NEBL: variants seen among roughly 807,000 people sequenced by gnomAD.
NEBL encodes LIM and SH3 protein 2.
In NEBL, 122 loss-of-function variants were observed where a neutral mutation model predicts 140.2. That is an observed-to-expected ratio of 0.87 (90% CI 0.75 to 1.01). NEBL has a LOEUF of 1.01. NEBL is among the 50% of genes least tolerant of loss of function. The pLI, the probability that NEBL is intolerant of heterozygous loss-of-function variation, is 0.00. For synonymous variants in NEBL, 436 were observed against 398.9 expected (o/e 1.09, Z -1.11); for missense variants, 1,365 against 1,231.3 (o/e 1.11, Z -1.62).
intron 3 of NEBL, among the ~76,000 whole-genome samples, chr10:20,969,461 C>A (rs1459659295): frequency 8.1e-6 from 1 of 124,182 alleles, no homozygotes; most frequent in African/African-American, 3.6e-5. Context: ...ATTTGGGGTT[C>A]TTTTACTTAA....
intron 2 of NEBL, among the ~76,000 whole-genome samples, chr10:21,087,759 C>G (rs754009844): frequency 1.3e-5 from 2 of 152,170 alleles, no homozygotes; most frequent in Admixed American, 6.5e-5. Context: ...GCAGCCCTGA[C>G]CTCGGTATAA....
At chr10:21,155,713 A>G (rs1423558792) in intron 2 of NEBL, among the ~76,000 whole-genome samples, 1 of 152,256 alleles carries the variant, frequency 6.6e-6, no homozygotes, top group African/African-American at 2.4e-5. Context: ...AAAGACCAGA[A>G]GAGTGAAATA....
At chr10:20,839,881 G>A (rs1380823379) in intron 13 of NEBL, among the ~76,000 whole-genome samples, 1 of 152,006 alleles carries the variant, frequency 6.6e-6, no homozygotes, top group Non-Finnish European at 1.5e-5. Context: ...TTTATTAAGT[G>A]GGTTCATTGC....
intron 1 of NEBL, among the ~76,000 whole-genome samples, chr10:21,281,706 G>A (rs1157830671): frequency 6.6e-6 from 1 of 151,960 alleles, no homozygotes; most frequent in South Asian, 2.1e-4. Flanking sequence ...TACTTTGGGG[G>A]TTCTGTCTGT....
chr10:21,270,948 T>C lies in NEBL; in HGVS notation n.183-19120A>G, dbSNP rs78113685. The stretch of plus-strand genomic sequence containing the variant: ...AGACTGTAAATTGGTACAGCCATTA[T>C]GGAAAACAGTATGTCAGTTCCTCAA... On this transcript the variant is annotated intron_variant and non_coding_transcript_variant, in intron 1 of 8. Transcript: ENST00000675702. Among the ~76,000 whole-genome samples, 963 of 152,342 alleles carry C rather than the reference T, an allele frequency of 6.3e-3. 6 individuals carry two copies. Among genetic ancestry groups the C allele is most frequent in the African/African-American group, 0.022 (914 of 41,580 alleles).
chr10:21,279,408 G>A (rs369741129), intron 1 of NEBL, among the ~76,000 whole-genome samples: 2 of 148,026 alleles, frequency 1.4e-5, no homozygotes, highest in African/African-American at 2.5e-5. Flanking sequence ...CAATCCTCCC[G>A]CCTCAGCCTA....
intron 3 of NEBL, among the ~76,000 whole-genome samples, chr10:21,240,327 A>G (rs986143175): frequency 6.6e-6 from 1 of 152,148 alleles, no homozygotes; most frequent in African/African-American, 2.4e-5. Context: ...AGGAAAATCA[A>G]TCGCTTGGTT....
At chr10:21,122,199 T>C (rs1838611091) in intron 2 of NEBL, among the ~76,000 whole-genome samples, 1 of 152,154 alleles carries the variant, frequency 6.6e-6, no homozygotes, top group South Asian at 2.1e-4. Context: ...CTAGTTTTTG[T>C]ATTTTTAATA....
intron 3 of NEBL, among the ~76,000 whole-genome samples, chr10:21,198,664 C>T (rs1039799649): frequency 3.3e-5 from 5 of 152,106 alleles, no homozygotes; most frequent in African/African-American, 1.2e-4. Context: ...AAGAGCCTCC[C>T]CATTGCTAGG....
At chr10:21,249,428 G>A (rs758803309) in intron 2 of NEBL, among the ~76,000 whole-genome samples, 5 of 151,982 alleles carry the variant, frequency 3.3e-5, no homozygotes, top group Admixed American at 6.6e-5. Context: ...CATGCTGTGA[G>A]TGTTACAACC....
At chr10:20,833,132 T>G (rs1251104416) in intron 14 of NEBL, among the ~76,000 whole-genome samples, 5 of 152,204 alleles carry the variant, frequency 3.3e-5, no homozygotes, top group African/African-American at 9.7e-5. Flanking sequence ...ATCAGTTATT[T>G]GTTGTCTGCA....
chr10:20,988,738 G>A (rs1837348234), intron 3 of NEBL, among the ~76,000 whole-genome samples: 1 of 152,076 alleles, frequency 6.6e-6, no homozygotes. Flanking sequence ...CTCTTACTTG[G>A]GCATGAGCAC....
chr10:20,969,439 C>T (rs1176295972), intron 3 of NEBL, among the ~76,000 whole-genome samples: 3 of 148,708 alleles, frequency 2.0e-5, no homozygotes, highest in African/African-American at 7.5e-5. Flanking sequence ...ATTCACAATC[C>T]AACTTTACCA....
At chr10:21,174,004 G>T (rs950494129) in exon 1 of NEBL, 2 of 1,179,294 alleles carry the variant, frequency 1.7e-6, no homozygotes, top group Non-Finnish European at 2.1e-6. Context: ...GGAGGGCGAC[G>T]GGGCCTGGCG....
At chr10:20,803,823 A>C (rs1837363273) in intron 26 of NEBL, among the ~76,000 whole-genome samples, 1 of 147,690 alleles carries the variant, frequency 6.8e-6, no homozygotes, top group African/African-American at 2.5e-5. Context: ...ATATATATAT[A>C]TATATATATA....
intron 3 of NEBL, among the ~76,000 whole-genome samples, chr10:20,985,177 C>A (rs928340389): frequency 1.3e-5 from 2 of 152,170 alleles, no homozygotes; most frequent in Non-Finnish European, 2.9e-5. Flanking sequence ...CCATCCTGTG[C>A]CCCATCCATG....
At chr10:20,897,087 G>A in intron 1 of NEBL, 38 bp downstream of exon 1, 2 of 1,592,954 alleles carry the variant, frequency 1.3e-6, no homozygotes, top group South Asian at 1.1e-5. Flanking sequence ...CAATTTAGAG[G>A]AACAAACGCT....
chr10:21,195,285 C>G (rs1841630783), intron 3 of NEBL, among the ~76,000 whole-genome samples: 1 of 152,108 alleles, frequency 6.6e-6, no homozygotes, highest in East Asian at 1.9e-4. Context: ...AAGGAAGAAA[C>G]AGCAAATGAT....
At chr10:20,974,420 A>C (rs2131644059) in intron 3 of NEBL, among the ~76,000 whole-genome samples, 3 of 151,772 alleles carry the variant, frequency 2.0e-5, no homozygotes, top group Middle Eastern at 6.8e-3. Context: ...CATCCAGCTA[A>C]TTTTTGTATT....
Sources: gnomAD v4.1 joint callset for allele counts (sites outside exome capture counted in the v4.1 genomes callset) on GRCh38, gnomAD v4.1.1 for gene constraint, MANE v1.5 for transcripts, NCBI Gene and HGNC (gene_info 2026-07-23, HGNC 2026-07-21) for gene names.